TRAF3: variants seen among roughly 807,000 people sequenced by gnomAD.
TRAF3 encodes the protein TNF receptor associated factor 3.
In TRAF3, 13 loss-of-function variants were observed where a neutral mutation model predicts 62.3. The ratio of observed to expected loss-of-function variants is 0.21; its 90% confidence interval spans 0.14 to 0.33. The LOEUF is 0.33. TRAF3 is among the 10% of genes least tolerant of loss of function. The pLI, the probability that TRAF3 is intolerant of heterozygous loss-of-function variation, is 1.00. For missense variants in TRAF3, 440 were observed against 741.8 expected (o/e 0.59, Z 4.73); for synonymous variants, 269 against 283.4 (o/e 0.95, Z 0.51).
intron 2 of TRAF3, among the ~76,000 whole-genome samples, chr14:102,858,888 A>C (rs763079831): frequency 1.2e-4 from 19 of 152,208 alleles, no homozygotes; most frequent in Admixed American, 1.2e-3. Flanking sequence ...CCCAATTCTT[A>C]ATAAAACATT....
At chr14:102,832,882 T>C (rs924999141) in intron 2 of TRAF3, among the ~76,000 whole-genome samples, 3 of 152,240 alleles carry the variant, frequency 2.0e-5, no homozygotes, top group Non-Finnish European at 4.4e-5. Flanking sequence ...ACTAAGCTAC[T>C]TCTTAAGCAT....
At chr14:102,866,197 A>G (rs950496302) in intron 2 of TRAF3, among the ~76,000 whole-genome samples, 1 of 152,200 alleles carries the variant, frequency 6.6e-6, no homozygotes, top group South Asian at 2.1e-4. Flanking sequence ...CAAACACCAC[A>G]TGTTCTCACT....
In TRAF3 at chr14:102,826,661, A is replaced by G. The variant is rs1442652232; in HGVS notation, c.-156-3673A>G. ...TCATTTCCTGTTACTAGAATTGGGGAGTGACCAGTAGATTCTTTAATTTGT... is the reference window on the plus strand; with the variant it reads ...TCATTTCCTGTTACTAGAATTGGGGGGTGACCAGTAGATTCTTTAATTTGT... On this transcript the variant is annotated intron_variant, in intron 1 of 11. Transcript: ENST00000392745. The surrounding 1 kb of genome is among the most constrained non-coding windows in gnomAD (Gnocchi z 4.6). 6.6e-6 allele frequency among the ~76,000 whole-genome samples: 1 copy of G among 152,116 alleles called. No individual in the cohort carries two copies. The highest frequency in any genetic ancestry group is 1.5e-5 in the Non-Finnish European group (1 of 68,000).
At chr14:102,787,341 G>A (rs1476117398) in intron 1 of TRAF3, among the ~76,000 whole-genome samples, 3 of 152,022 alleles carry the variant, frequency 2.0e-5, no homozygotes, top group Non-Finnish European at 4.4e-5. Context: ...ATTTAAATTC[G>A]TATTTTAGCA....
At chr14:102,864,547 T>C (rs1197926414) in intron 2 of TRAF3, among the ~76,000 whole-genome samples, 2 of 152,214 alleles carry the variant, frequency 1.3e-5, no homozygotes, top group East Asian at 1.9e-4. Context: ...ATAATTTAAA[T>C]TGAATATTTT....
At chr14:102,802,704 T>A (rs1898517747) in intron 1 of TRAF3, among the ~76,000 whole-genome samples, 1 of 151,670 alleles carries the variant, frequency 6.6e-6, no homozygotes, top group South Asian at 2.1e-4. Context: ...GGCGGGCGCC[T>A]GTAATCCCAG....
chr14:102,872,039 A>G, intron 4 of TRAF3, 71 bp downstream of exon 4: 2 of 1,512,478 alleles, frequency 1.3e-6, no homozygotes, highest in Middle Eastern at 1.7e-4. Context: ...CATAGTTTGC[A>G]TTCGGCACTC....
chr14:102,894,213 G>A (rs986563989), intron 9 of TRAF3, among the ~76,000 whole-genome samples: 1 of 152,144 alleles, frequency 6.6e-6, no homozygotes, highest in Admixed American at 6.5e-5. Flanking sequence ...TGTGATCCCA[G>A]CTACTCGGGA....
chr14:102,885,310 G>A (rs1320680456), intron 6 of TRAF3, among the ~76,000 whole-genome samples: 1 of 152,112 alleles, frequency 6.6e-6, no homozygotes, highest in Non-Finnish European at 1.5e-5. Context: ...AACATAACTG[G>A]AGGCCAAAAG....
chr14:102,889,701 A>G, intron 8 of TRAF3, 67 bp downstream of exon 8: 6 of 1,543,918 alleles, frequency 3.9e-6, no homozygotes, highest in Non-Finnish European at 5.4e-6. Context: ...TATTATATTA[A>G]CATTTTAACA....
intron 2 of TRAF3, among the ~76,000 whole-genome samples, chr14:102,862,503 G>C (rs1887740357): frequency 6.6e-6 from 1 of 151,320 alleles, no homozygotes; most frequent in South Asian, 2.1e-4. Context: ...GAAATCAGTT[G>C]TTAATCTTAC....
chr14:102,778,087 G>A (rs1897105130), intron 1 of TRAF3, among the ~76,000 whole-genome samples: 1 of 150,308 alleles, frequency 6.7e-6, no homozygotes, highest in Non-Finnish European at 1.5e-5. Flanking sequence ...CTGCGTGGCC[G>A]AGCGCGCTGC....
rs142069424 is a variant in TRAF3 at position 102,875,735 on chromosome 14, A to G, written c.402+7A>G. The stretch of plus-strand genomic sequence containing the variant: ...AATGCTGGGACATCTGCTGGTGAGT[A>G]GCAAAGGGACACTGGAACCTTTTAC... On this transcript the variant is annotated splice_region_variant and intron_variant, in intron 5 of 11. Coordinates refer to ENST00000392745, the MANE Select transcript of TRAF3 (RefSeq NM_145725.3). 5.6e-6 allele frequency: 9 copies of G among 1,611,510 alleles called. No individual in the cohort carries two copies. The Admixed American group carries it at 1.5e-4, about 27-fold the overall frequency.
intron 3 of TRAF3, among the ~76,000 whole-genome samples, chr14:102,871,371 A>G (rs1888332866): frequency 6.6e-6 from 1 of 152,236 alleles, no homozygotes; most frequent in Non-Finnish European, 1.5e-5. Context: ...CGTGTCTCCT[A>G]ACACAAGAGC....
In TRAF3 at chr14:102,828,446, A is replaced by C. The variant is rs139927111; in HGVS notation, c.-156-1888A>C. On this transcript the variant is annotated intron_variant, in intron 1 of 11. Coordinates refer to ENST00000392745, the MANE Select transcript of TRAF3 (RefSeq NM_145725.3). ...GATTAGAACGTACGCGATTCTGTGA[A>C]TGCTGTGGCTGGCACAGCATGTCCT... Among the ~76,000 whole-genome samples the C allele has an allele frequency of 2.3e-3, 343 of 152,302 alleles. 4 individuals carry two copies. The highest frequency in any genetic ancestry group is 7.9e-3 in the African/African-American group (327 of 41,562).
chr14:102,816,372 C>T (rs1293346861), intron 1 of TRAF3, among the ~76,000 whole-genome samples: 37 of 152,186 alleles, frequency 2.4e-4, no homozygotes, highest in Admixed American at 2.3e-3. Flanking sequence ...CAAAGTGCTA[C>T]GATTACATGC....
intron 2 of TRAF3, among the ~76,000 whole-genome samples, chr14:102,836,306 T>G (rs1174581951): frequency 1.3e-5 from 2 of 152,226 alleles, no homozygotes; most frequent in Admixed American, 6.5e-5. Flanking sequence ...ATTTAAAGAT[T>G]TATTTTCATA....
rs1411377729 is a variant in TRAF3 at position 102,907,791 on chromosome 14, T to C, written c.*2007T>C. Reference sequence around the variant, plus strand: ...AGGGGCCCGCCGCGCCCTTTCGCGGTCGAAGCGTTCCGTTGTTCTTATCTG... The same window carrying C: ...AGGGGCCCGCCGCGCCCTTTCGCGGCCGAAGCGTTCCGTTGTTCTTATCTG... On this transcript the variant is annotated 3_prime_UTR_variant, in exon 12 of 12. Transcript: ENST00000392745. 1 of 152,414 alleles carries C rather than the reference T, an allele frequency of 6.6e-6. No homozygotes were observed. The highest frequency in any genetic ancestry group is 1.5e-5 in the Non-Finnish European group (1 of 68,170). The allele number at this position is 152,414 out of a possible 1,614,324, so 9.4% of individuals were successfully genotyped here.
chr14:102,829,980 A>AAAAT (rs1900573564), intron 1 of TRAF3, among the ~76,000 whole-genome samples: 3 of 152,296 alleles, frequency 2.0e-5, no homozygotes, highest in South Asian at 2.1e-4. Context: ...AAGATAAAAT[A>AAAAT]AAATAAATAA....
Sources: gnomAD v4.1 joint callset for allele counts (sites outside exome capture counted in the v4.1 genomes callset) on GRCh38, gnomAD v4.1.1 for gene constraint, Gnocchi (gnomAD v3.1) non-coding constraint, MANE v1.5 for transcripts, NCBI Gene and HGNC (gene_info 2026-07-23, HGNC 2026-07-21) for gene names.